Variants in FCN2 observed in about 807,000 individuals in gnomAD.
FCN2 encodes ficolin-2.
A neutral mutation model predicts 32.5 loss-of-function variants in FCN2; 31 were observed. The observed-to-expected ratio is 0.96, with a 90% confidence interval of 0.72 to 1.29. The LOEUF (loss-of-function observed/expected upper bound fraction) is 1.29, where lower values mean the gene tolerates loss of function less well. Ranked by LOEUF, FCN2 falls within the 50% of genes most tolerant of loss-of-function variation. FCN2 has a pLI of 0.00. For synonymous variants in FCN2, 181 were observed against 164.5 expected, an observed-to-expected ratio of 1.10 and a Z score of -0.77; for missense variants, 412 against 406.5, an observed-to-expected ratio of 1.01 and a Z score of -0.12.
chr9:134,885,833 C>T lies in FCN2; in HGVS notation c.495C>T (p.Gly165=), dbSNP rs1830744458. Residue 165 remains glycine (G), a synonymous_variant, in exon 6 of 8, where the codon GGC becomes GGT. Transcript: ENST00000291744. ...FYRDWATYKQ[G]FGSRLGEFWL... The stretch of plus-strand genomic sequence containing the variant: ...GGGACTGGGCCACGTACAAGCAGGG[C>T]TTCGGCAGTCGGCTGGGGGAGTTCT... 6.2e-7 allele frequency: 1 copy of T among 1,613,908 alleles called. No individual in the cohort carries two copies. The highest frequency in any genetic ancestry group is 1.3e-5 in the African/African-American group (1 of 74,994).
chr9:134,864,787 C>T, the FCN2 span, among the ~76,000 whole-genome samples: 2 of 152,204 alleles, frequency 1.3e-5, no homozygotes, highest in Admixed American at 6.5e-5. Context: ...AAGGTTCCTG[C>T]CTCATTTTCT....
chr9:134,887,177 T>C lies in FCN2; in HGVS notation c.704T>C (p.Leu235Pro), dbSNP rs752737421. Reference protein sequence around the residue: ...AFVEGSAGDSLTFHNNQSFST... With the variant: ...AFVEGSAGDSPTFHNNQSFST... ...ATTTCCTCCTGCACAGGAGATTCCC[T>C]GACGTTCCACAACAACCAGTCCTTC... The change falls in exon 8 of 8, where the codon CTG becomes CCG. Residue 235 changes from leucine (L) to proline (P), a missense_variant. Transcript: ENST00000291744. 53 of 1,614,022 alleles carry C rather than the reference T, an allele frequency of 3.3e-5. No homozygotes were observed. Among genetic ancestry groups the C allele is most frequent in the Non-Finnish European group, 3.9e-5 (46 of 1,179,994 alleles).
intron 3 of FCN2, 28 bp downstream of exon 3, chr9:134,883,383 G>T (rs1052150152): frequency 6.2e-7 from 1 of 1,600,410 alleles, no homozygotes; most frequent in Non-Finnish European, 8.6e-7. Flanking sequence ...GTGAGAAGCG[G>T]CTTCAAGGCC....
At position 134,886,370 on chromosome 9, in the gene FCN2, G is replaced by C. The variant is rs572511408; in HGVS notation, c.560-60G>C. On this transcript the variant is annotated intron_variant, in intron 6 of 7. Transcript: ENST00000291744. The stretch of plus-strand genomic sequence containing the variant: ...TTCCAGGCCCTGCCCCAGATCCCCA[G>C]CTCCCATGTCTAAAGGTAGAGAGCC... 22 of 1,606,696 alleles carry C rather than the reference G, an allele frequency of 1.4e-5. No homozygotes were observed. The Admixed American group carries it at 2.3e-4, about 17-fold the overall frequency.
rs199687442 is a variant in FCN2, at chr9:134,886,562, C to A, written c.692C>A (p.Ala231Glu). The A allele has an allele frequency of 6.2e-7, 1 of 1,613,920 alleles. No individual in the cohort carries two copies. Among genetic ancestry groups the A allele is most frequent in the South Asian group, 1.1e-5 (1 of 91,062 alleles). The change falls in exon 7 of 8, where the codon GCG becomes GAG. Residue 231 changes from alanine (A) to glutamate (E), a missense_variant and splice_region_variant. Coordinates refer to ENST00000291744, the MANE Select transcript of FCN2 (RefSeq NM_004108.3). Reference sequence around the variant, plus strand: ...CTGGGGGCCTTCGTGGAGGGCAGTGCGGGTGAGTGTCTGCTTGGGGCTGTG... The same window carrying A: ...CTGGGGGCCTTCGTGGAGGGCAGTGAGGGTGAGTGTCTGCTTGGGGCTGTG... ...LVLGAFVEGS[A>E]GDSLTFHNNQ...
the FCN2 span, among the ~76,000 whole-genome samples, chr9:134,870,618 T>A: frequency 6.6e-5 from 10 of 152,036 alleles, no homozygotes; most frequent in Non-Finnish European, 8.8e-5. The surrounding 1 kb of genome is among the most constrained non-coding windows in gnomAD (Gnocchi z 4.3). Context: ...GACCCTGCCC[T>A]GAGCACAGAG....
At chr9:134,881,615 T>C (rs1564206025) in intron 1 of FCN2, among the ~76,000 whole-genome samples, 1 of 152,266 alleles carries the variant, frequency 6.6e-6, no homozygotes, top group South Asian at 2.1e-4. Context: ...ATGCTCCTGA[T>C]GCTTGCAGAG....
the FCN2 span, among the ~76,000 whole-genome samples, chr9:134,875,588 T>C: frequency 6.6e-6 from 1 of 152,248 alleles, no homozygotes; most frequent in Non-Finnish European, 1.5e-5. Flanking sequence ...TTGTTGGTTT[T>C]GAAGAAGGAA....
chr9:134,881,100 G>A (rs565556347), intron 1 of FCN2, among the ~76,000 whole-genome samples, 179 bp downstream of exon 1: 14 of 152,352 alleles, frequency 9.2e-5, no homozygotes, highest in African/African-American at 3.4e-4. Context: ...CCGAATGGAT[G>A]TGGCATCTCA....
chr9:134,879,000 T>C (rs74706412), upstream of FCN2, among the ~76,000 whole-genome samples: 5,376 of 152,336 alleles, frequency 0.035, 305 homozygotes, highest in African/African-American at 0.12. Flanking sequence ...CCTTCAAACA[T>C]TGTTACTGCA....
chr9:134,885,303 C>A lies in FCN2; in HGVS notation c.366C>A (p.Tyr122Ter). The change falls in exon 5 of 8, where the codon TAC becomes TAA. Residue 122 changes from tyrosine to a stop codon, truncating the protein, a stop_gained. Transcript: ENST00000291744. LOFTEE classifies it high-confidence loss of function. ...GHFLSGWHTI[Y>*]LPDCRPLTVL... ...TCCTGAGCGGCTGGCACACCATCTACCTGCCCGACTGCCGGCCCCTGACTG... is the reference window on the plus strand; with the variant it reads ...TCCTGAGCGGCTGGCACACCATCTAACTGCCCGACTGCCGGCCCCTGACTG... The A allele has an allele frequency of 6.2e-7, 1 of 1,614,142 alleles. No homozygotes were observed.
the FCN2 span, among the ~76,000 whole-genome samples, chr9:134,869,950 C>T: frequency 2.0e-5 from 3 of 152,230 alleles, no homozygotes; most frequent in East Asian, 1.9e-4. Context: ...GGGGGGGGCC[C>T]ACAAATTCCT....
chr9:134,887,245 G>T lies in FCN2; in HGVS notation c.772G>T (p.Ala258Ser), dbSNP rs7851696. The T allele has an allele frequency of 0.12, 188,936 of 1,614,000 alleles. 11,750 individuals carry two copies. The highest frequency in any genetic ancestry group is 0.2 in the African/African-American group (14,710 of 75,024). ...QDNDLNTGNC[A>S]VMFQGAWWYK... ...CAATGATCTTAACACCGGAAATTGT[G>T]CTGTGATGTTTCAGGGAGCTTGGTG... The change falls in exon 8 of 8, where the codon GCT (alanine) becomes TCT (serine). Residue 258 changes from alanine (A) to serine (S), a missense_variant. By Grantham distance (99) the Ala-to-Ser change is moderately conservative. Coordinates refer to ENST00000291744, the MANE Select transcript of FCN2 (RefSeq NM_004108.3).
rs532083195 is a variant in FCN2, at chr9:134,887,099, G to T, written c.695-69G>T. Reference sequence around the variant, plus strand: ...GAGGACACACCAGGCCAGGCCTCAGGTATAAAGACTTATACTGTCTGTAAT... The same window carrying T: ...GAGGACACACCAGGCCAGGCCTCAGTTATAAAGACTTATACTGTCTGTAAT... On this transcript the variant is annotated intron_variant, in intron 7 of 7. Transcript: ENST00000291744. 152 of 1,590,016 alleles carry T rather than the reference G, an allele frequency of 9.6e-5. 1 individual carries two copies. In the African/African-American group the frequency reaches 1.9e-3, roughly 20 times the overall value.
At chr9:134,879,573 C>G (rs55848654), upstream of FCN2, among the ~76,000 whole-genome samples, 5 of 152,064 alleles carry the variant, frequency 3.3e-5, no homozygotes, top group African/African-American at 9.7e-5. Flanking sequence ...CTCCATGGAG[C>G]CTGTGTCTTC....
intron 1 of FCN2, among the ~76,000 whole-genome samples, chr9:134,881,516 G>A (rs376047292): frequency 3.3e-5 from 5 of 152,174 alleles, no homozygotes; most frequent in African/African-American, 9.7e-5. Context: ...GGGCTCCGGC[G>A]CATGCGAGGG....
Position 134,885,185 on chromosome 9 carries a change from T to C in FCN2, c.302-54T>C, listed in dbSNP as rs116782100. ...CCTCCCAGGCCTCCCTCCTACTGCC[T>C]GTGCCCTGCCCAGGGCTCCTGTCCT... On this transcript the variant is annotated intron_variant, in intron 4 of 7. Coordinates refer to ENST00000291744, the MANE Select transcript of FCN2 (RefSeq NM_004108.3). 6,244 of 1,612,292 alleles carry C rather than the reference T, an allele frequency of 3.9e-3. 196 individuals are homozygous for C. In the African/African-American group the frequency reaches 0.071, roughly 18 times the overall value.
chr9:134,869,140 G>A, the FCN2 span, among the ~76,000 whole-genome samples: 1 of 152,292 alleles, frequency 6.6e-6, no homozygotes, highest in African/African-American at 2.4e-5. Context: ...CTGCCCACTC[G>A]GCCCCCGTGC....
the FCN2 span, among the ~76,000 whole-genome samples, chr9:134,868,902 GT>G: frequency 6.6e-6 from 1 of 152,220 alleles, no homozygotes; most frequent in South Asian, 2.1e-4. The surrounding 1 kb of genome is among the most constrained non-coding windows in gnomAD (Gnocchi z 4.3). Context: ...CACCGTGCCT[GT>G]TTGTGAATAA....
Sources: gnomAD v4.1 joint callset for allele counts (sites outside exome capture counted in the v4.1 genomes callset) on GRCh38, gnomAD v4.1.1 for gene constraint, Gnocchi (gnomAD v3.1) non-coding constraint, MANE v1.5 for transcripts, NCBI Gene and HGNC (gene_info 2026-07-23, HGNC 2026-07-21) for gene names.